The following DNAH14 variants were observed in gnomAD, a reference collection of about 807,000 sequenced individuals.
The protein encoded by DNAH14 is dynein axonemal heavy chain 14, also known as axonemal beta dynein heavy chain 14.
DNAH14 carries 478 observed loss-of-function variants against 520.9 expected under a neutral mutation model. The observed-to-expected ratio is 0.92, with a 90% CI of 0.85 to 0.99. The LOEUF (loss-of-function observed/expected upper bound fraction) is 0.99. Ranked by LOEUF, DNAH14 falls within the 50% of genes least tolerant of loss-of-function variation. The pLI is 0.00. For synonymous variants in DNAH14, 1,581 were observed against 1,757.2 expected (o/e 0.90, Z 2.51); for missense variants, 4,831 against 5,234.5 (o/e 0.92, Z 2.38).
intron 43 of DNAH14, among the ~76,000 whole-genome samples, chr1:225,248,785 A>G (rs1439380296): frequency 1.3e-5 from 2 of 152,204 alleles, no homozygotes; most frequent in African/African-American, 2.4e-5. Flanking sequence ...TAGAGTTACT[A>G]TAACTAGGGA....
At chr1:225,150,089 T>C (rs1348318551) in intron 31 of DNAH14, among the ~76,000 whole-genome samples, 3 of 152,222 alleles carry the variant, frequency 2.0e-5, no homozygotes, top group Non-Finnish European at 4.4e-5. Context: ...ACCTAGTTTA[T>C]TGAGAATTTT....
In DNAH14 at chr1:225,335,443, G is replaced by GTA. The variant is rs1469049623; in HGVS notation, c.10081-1821_10081-1820dup. 3.5e-3 allele frequency among the ~76,000 whole-genome samples: 412 copies of GTA among 119,204 alleles called. 13 individuals carry two copies. Among genetic ancestry groups the GTA allele is most frequent in the Non-Finnish European group, 4.9e-3 (286 of 58,400 alleles). The allele number at this position is 119,204 out of a possible 152,430, so 78.2% of individuals were successfully genotyped here. A position where few individuals can be genotyped will look rare whatever the true frequency, so the allele number is the denominator to read the frequency against. ...CATATGCACGTGTGTACATGTGTGT[G>GTA]TATGCACATATGCACGTGTGTACAT... is the stretch of plus-strand genomic sequence containing the variant. On this transcript the variant is annotated intron_variant, in intron 66 of 85. Transcript: ENST00000682510.
intron 4 of DNAH14, 61 bp downstream of exon 4, chr1:224,960,363 G>C: frequency 7.0e-7 from 1 of 1,418,676 alleles, no homozygotes. Flanking sequence ...ATTATTCTGT[G>C]GTTTGTGTGC....
At chr1:224,980,758 T>C (rs1381541400) in intron 8 of DNAH14, among the ~76,000 whole-genome samples, 2 of 152,072 alleles carry the variant, frequency 1.3e-5, no homozygotes, top group East Asian at 1.9e-4. Flanking sequence ...GAGTCTTAGG[T>C]CCTTGAGTGA....
In DNAH14 at chr1:224,963,265, A is replaced by G. The variant is rs536310914; in HGVS notation, c.368-1214A>G. The stretch of plus-strand genomic sequence containing the variant: ...GTGTATGGTAGCTTTTCTTGTGTAT[A>G]AGTTGCTAAGTTTGAGCAAGTCAAA... On this transcript the variant is annotated intron_variant, in intron 4 of 85. Transcript: ENST00000682510. 9.2e-5 allele frequency among the ~76,000 whole-genome samples: 14 copies of G among 152,178 alleles called. No individual in the cohort carries two copies. The South Asian group carries it at 1.5e-3, about 16-fold the overall frequency.
chr1:225,383,735 T>G (rs2095806503), intron 81 of DNAH14, among the ~76,000 whole-genome samples: 1 of 152,240 alleles, frequency 6.6e-6, no homozygotes, highest in South Asian at 2.1e-4. Context: ...GTGGAGCTAC[T>G]GAAAGGCAAT....
At chr1:225,174,349 T>G (rs897323179) in intron 36 of DNAH14, among the ~76,000 whole-genome samples, 1 of 152,230 alleles carries the variant, frequency 6.6e-6, no homozygotes, top group Non-Finnish European at 1.5e-5. Context: ...GTGTCCTGTT[T>G]ACTTTCTTTA....
In DNAH14 at chr1:225,381,545, CTT is replaced by C. The variant is rs867395093; in HGVS notation, c.13046_13047del (p.Phe4349SerfsTer2). On this transcript the variant is annotated frameshift_variant, in exon 81 of 86. Coordinates refer to ENST00000682510, the MANE Select transcript of DNAH14 (RefSeq NM_001367479.1). LOFTEE classifies it high-confidence loss of function. Reference sequence around the variant, plus strand: ...CAAGAATTGGAGGAAATATTTAACTCTTTTCTTAATATGAGAGTGCCTACATT... The same window carrying C: ...CAAGAATTGGAGGAAATATTTAACTCTTCTTAATATGAGAGTGCCTACATT... 9.0e-5 allele frequency: 139 copies of C among 1,536,224 alleles called. No individual in the cohort carries two copies. The highest frequency in any genetic ancestry group is 1.1e-4 in the Non-Finnish European group (129 of 1,142,782).
At chr1:225,395,145 CTAAA>C (rs1312260785) in intron 84 of DNAH14, among the ~76,000 whole-genome samples, 1 of 152,058 alleles carries the variant, frequency 6.6e-6, no homozygotes, top group African/African-American at 2.4e-5. Flanking sequence ...AGAATGGAAG[CTAAA>C]TGTGATGAGA....
At chr1:224,933,293 C>CCA (rs1298837943) in intron 1 of DNAH14, among the ~76,000 whole-genome samples, 2 of 152,064 alleles carry the variant, frequency 1.3e-5, no homozygotes, top group Non-Finnish European at 2.9e-5. Flanking sequence ...TGCAGCTTTA[C>CCA]TGAATTCATC....
intron 41 of DNAH14, among the ~76,000 whole-genome samples, chr1:225,209,505 T>A (rs1210030816): frequency 6.6e-6 from 1 of 152,098 alleles, no homozygotes; most frequent in Non-Finnish European, 1.5e-5. Flanking sequence ...GGCATGGTGT[T>A]TCTCAGCAAA....
intron 73 of DNAH14, among the ~76,000 whole-genome samples, chr1:225,357,378 G>A (rs1225643378): frequency 6.6e-6 from 1 of 151,912 alleles, no homozygotes; most frequent in Non-Finnish European, 1.5e-5. Flanking sequence ...ACAAAATCTT[G>A]ATTGATCAAT....
rs1296585307 is a variant in DNAH14 at position 225,117,889 on chromosome 1, T to G, written c.3981T>G (p.Leu1327=). Residue 1327 remains leucine (L), a synonymous_variant, in exon 25 of 86, where the codon CTT becomes CTG. Transcript: ENST00000682510. ...TTGTTTCTGGTTCACAGCCTCATCT[T>G]GTGAAATGCTTTGAAAATATAAAAC... ...SRNPESVQPH[L]VKCFENIKQL... 2.6e-6 allele frequency: 4 copies of G among 1,546,926 alleles called. No homozygotes were observed. Among genetic ancestry groups the G allele is most frequent in the East Asian group, 4.9e-5 (2 of 40,848 alleles).
intron 44 of DNAH14, among the ~76,000 whole-genome samples, chr1:225,257,521 A>ACTTTT (rs549481661): frequency 6.6e-6 from 1 of 151,960 alleles, no homozygotes; most frequent in Non-Finnish European, 1.5e-5. Flanking sequence ...ATAGCCATGT[A>ACTTTT]CTTTTCTTTT....
intron 54 of DNAH14, among the ~76,000 whole-genome samples, chr1:225,289,429 G>A (rs542341984): frequency 6.6e-6 from 1 of 152,104 alleles, no homozygotes; most frequent in Non-Finnish European, 1.5e-5. Context: ...ACAGGTATAA[G>A]CTGTAAATTA....
intron 8 of DNAH14, among the ~76,000 whole-genome samples, chr1:224,977,381 A>C (rs559914113): frequency 1.2e-4 from 19 of 152,138 alleles, no homozygotes; most frequent in South Asian, 8.3e-4. Context: ...AGATATACCT[A>C]ATGCTAAATG....
chr1:224,968,989 C>T, intron 7 of DNAH14, 115 bp downstream of exon 7: 1 of 659,406 alleles, frequency 1.5e-6, no homozygotes, highest in Non-Finnish European at 2.5e-6. Context: ...AGTACTAATT[C>T]TTTTATCTAA....
At chr1:225,257,605 G>A (rs373420280) in intron 44 of DNAH14, among the ~76,000 whole-genome samples, 1 of 149,278 alleles carries the variant, frequency 6.7e-6, no homozygotes, top group African/African-American at 2.5e-5. Context: ...GCGCAATCTC[G>A]GCTCACTGCA....
chr1:225,270,672 T>A (rs1229636390), intron 49 of DNAH14, 63 bp from the exon 50 acceptor site: 1 of 1,427,828 alleles, frequency 7.0e-7, no homozygotes, highest in Non-Finnish European at 9.4e-7. Context: ...GACAGAGACG[T>A]AGGTACATAC....
Sources: allele counts gnomAD v4.1 joint callset (sites outside exome capture counted in the v4.1 genomes callset), GRCh38; gene constraint gnomAD v4.1.1; transcripts MANE v1.5; gene names NCBI Gene and HGNC (gene_info 2026-07-23, HGNC 2026-07-21).